PDE1C: variants seen among roughly 807,000 people sequenced by gnomAD.
PDE1C encodes phosphodiesterase 1C.
A neutral mutation model predicts 93.1 loss-of-function variants in PDE1C; 62 were observed. The observed-to-expected ratio is 0.67, with a 90% CI of 0.54 to 0.82. PDE1C has a LOEUF of 0.82. Ranked by LOEUF, PDE1C falls within the 40% of genes least tolerant of loss-of-function variation. The probability of loss-of-function intolerance (pLI) is 0.00; values close to 1 mark genes in which losing one functional copy is unlikely to be tolerated. For synonymous variants in PDE1C, 325 were observed against 310.1 expected, an observed-to-expected ratio of 1.05 and a Z score of -0.50; for missense variants, 742 against 884.6, an observed-to-expected ratio of 0.84 and a Z score of 2.04.
intron 1 of PDE1C, among the ~76,000 whole-genome samples, chr7:32,357,270 C>T (rs1050051154): frequency 2.0e-5 from 3 of 151,588 alleles, no homozygotes; most frequent in African/African-American, 7.3e-5. Context: ...GGAGGTGGAG[C>T]TTGCAGTGAG....
At chr7:31,913,455 G>A (rs1282422807) in intron 2 of PDE1C, among the ~76,000 whole-genome samples, 1 of 152,128 alleles carries the variant, frequency 6.6e-6, no homozygotes, top group Non-Finnish European at 1.5e-5. Flanking sequence ...GGGTCATGTA[G>A]GAAGGGAGGT....
intron 2 of PDE1C, among the ~76,000 whole-genome samples, chr7:31,904,061 C>A (rs866306967): frequency 6.6e-6 from 1 of 152,090 alleles, no homozygotes; most frequent in South Asian, 2.1e-4. Context: ...GAACAGTGAA[C>A]TTTGGCTGGT....
intron 3 of PDE1C, among the ~76,000 whole-genome samples, chr7:32,160,068 C>T (rs1286942158): frequency 2.6e-5 from 4 of 152,034 alleles, no homozygotes; most frequent in African/African-American, 9.7e-5. Flanking sequence ...GGGCCTAAAG[C>T]ACAGCCACAG....
rs1321654458 is a variant in PDE1C at position 32,308,229 on chromosome 7, C to G, written c.311-98690G>C. On this transcript the variant is annotated intron_variant, in intron 1 of 1. Transcript: ENST00000672256. The stretch of plus-strand genomic sequence containing the variant: ...AGGCTTGATTAGGTAAACAAAGCAG[C>G]CGGGAAGCTCAAACTGGGTGGAGCC... 7.2e-5 allele frequency among the ~76,000 whole-genome samples: 11 copies of G among 152,344 alleles called. 1 individual carries two copies. The East Asian group carries it at 2.1e-3, about 29-fold the overall frequency.
At chr7:31,764,592 C>T (rs1371510623) in intron 17 of PDE1C, among the ~76,000 whole-genome samples, 1 of 152,204 alleles carries the variant, frequency 6.6e-6, no homozygotes, top group Non-Finnish European at 1.5e-5. Flanking sequence ...CTGTCAAGGA[C>T]ACTTCTCATT....
At chr7:31,651,289 A>T in the PDE1C span, 1 of 1,610,406 alleles carries the variant, frequency 6.2e-7, no homozygotes, top group Non-Finnish European at 8.5e-7. Context: ...TAAGGGAGCC[A>T]TAAAAGTAAG....
At chr7:31,761,907 T>TA (rs1223175074) in intron 17 of PDE1C, among the ~76,000 whole-genome samples, 4 of 152,308 alleles carry the variant, frequency 2.6e-5, no homozygotes, top group East Asian at 3.9e-4. Context: ...GTTTTCCATT[T>TA]AAAAAAATGG....
Position 31,753,565 on chromosome 7 carries a change from G to A in PDE1C, c.1961-12C>T. The stretch of plus-strand genomic sequence containing the variant: ...AGGAGGCTTGATGACTGGCGGCCAT[G>A]GAAAGGAAGACAGACAACGGTTAGC... On this transcript the variant is annotated splice_polypyrimidine_tract_variant and intron_variant, in intron 17 of 17. Coordinates refer to ENST00000396191, the MANE Select transcript of PDE1C (RefSeq NM_001191057.4). The A allele has an allele frequency of 1.9e-6, 3 of 1,605,680 alleles. No homozygotes were observed. Among genetic ancestry groups the A allele is most frequent in the Admixed American group, 1.7e-5 (1 of 59,170 alleles).
At chr7:31,638,813 G>A in the PDE1C span, among the ~76,000 whole-genome samples, 1 of 152,112 alleles carries the variant, frequency 6.6e-6, no homozygotes, top group South Asian at 2.1e-4. Flanking sequence ...GACTTGCTCT[G>A]TCGCCCAGGC....
chr7:32,410,184 C>A (rs939711136), intron 1 of PDE1C, among the ~76,000 whole-genome samples: 1 of 151,960 alleles, frequency 6.6e-6, no homozygotes, highest in African/African-American at 2.4e-5. Context: ...AAAAACCAAC[C>A]AGGGTGGGCG....
At chr7:32,112,844 GTGTATATATATA>G (rs1435614365) in intron 3 of PDE1C, among the ~76,000 whole-genome samples, 31 of 54,140 alleles carry the variant, frequency 5.7e-4, no homozygotes, top group African/African-American at 2.1e-3. Flanking sequence ...GTGTGTGTGT[GTGTATATATATA>G]TATATATATA....
At position 32,168,426 on chromosome 7, in the gene PDE1C, T is replaced by C. The variant is rs1354560221; in HGVS notation, c.308+1359A>G. On this transcript the variant is annotated intron_variant, in intron 3 of 18. Coordinates refer to the PDE1C transcript ENST00000396193. Reference sequence around the variant, plus strand: ...TGTTATTTTCATGAGAGTAACTCTTTGCCTGTTCATTGAAGAAAATGATGA... The same window carrying C: ...TGTTATTTTCATGAGAGTAACTCTTCGCCTGTTCATTGAAGAAAATGATGA... Among the ~76,000 whole-genome samples the C allele has an allele frequency of 4.6e-5, 7 of 152,294 alleles. No individual in the cohort carries two copies. The South Asian group carries it at 1.4e-3, about 32-fold the overall frequency.
At chr7:31,639,629 C>T in the PDE1C span, among the ~76,000 whole-genome samples, 14 of 151,470 alleles carry the variant, frequency 9.2e-5, no homozygotes, top group African/African-American at 2.2e-4. Context: ...CTCTGCCTCC[C>T]GGGTTCATGC....
chr7:32,218,778 C>T (rs1806620771), intron 1 of PDE1C, among the ~76,000 whole-genome samples: 1 of 152,146 alleles, frequency 6.6e-6, no homozygotes, highest in East Asian at 1.9e-4. Flanking sequence ...TCAATCAATT[C>T]CTTGCTCCCT....
intron 1 of PDE1C, among the ~76,000 whole-genome samples, chr7:32,416,542 A>T (rs796342164): frequency 2.6e-5 from 4 of 152,146 alleles, no homozygotes; most frequent in African/African-American, 9.6e-5. Flanking sequence ...ATTTTTTTTT[A>T]AACTTGTGAT....
intron 16 of PDE1C, chr7:31,788,236 T>C (rs926936313): frequency 2.6e-5 from 4 of 152,158 alleles, no homozygotes; most frequent in Admixed American, 6.6e-5. Flanking sequence ...AAATACAGAA[T>C]ATAAATGAGG....
intron 1 of PDE1C, among the ~76,000 whole-genome samples, chr7:32,282,512 G>GATAGATAGATAGATA (rs1562647710): frequency 0.055 from 417 of 7,586 alleles, 5 homozygotes; most frequent in African/African-American, 0.11. Flanking sequence ...ATAGATAGAT[G>GATAGATAGATAGATA]GTCAATTAAC....
intron 2 of PDE1C, among the ~76,000 whole-genome samples, chr7:31,915,810 TAA>T (rs1490150468): frequency 6.6e-6 from 1 of 152,188 alleles, no homozygotes; most frequent in Non-Finnish European, 1.5e-5. Context: ...TTATTTAACA[TAA>T]GTTTTATGTG....
At chr7:32,295,877 G>C (rs1304653571) in intron 1 of PDE1C, among the ~76,000 whole-genome samples, 3 of 126,698 alleles carry the variant, frequency 2.4e-5, no homozygotes, top group African/African-American at 9.1e-5. Flanking sequence ...CCGGGTGAGA[G>C]AGCGAGACTC....
Sources: allele counts gnomAD v4.1 joint callset (sites outside exome capture counted in the v4.1 genomes callset), GRCh38; gene constraint gnomAD v4.1.1; transcripts MANE v1.5; gene names NCBI Gene and HGNC (gene_info 2026-07-23, HGNC 2026-07-21).